The following RALGPS1 variants were observed in gnomAD, a reference collection of about 807,000 sequenced individuals.
RALGPS1 encodes the protein ras-specific guanine nucleotide-releasing factor RalGPS1.
Under a neutral mutation model 78.8 loss-of-function variants are expected in RALGPS1, and 19 were observed. The ratio of observed to expected loss-of-function variants is 0.24; its 90% confidence interval spans 0.17 to 0.35. RALGPS1 has a LOEUF of 0.35. Among genes scored for constraint, RALGPS1 ranks in the 10% least tolerant of loss-of-function variants. The pLI is 1.00. For synonymous variants in RALGPS1, 228 were observed against 256.3 expected (o/e 0.89, Z 1.06); for missense variants, 454 against 688.3 (o/e 0.66, Z 3.81).
intron 8 of RALGPS1, among the ~76,000 whole-genome samples, chr9:127,140,826 G>A (rs1395466522): frequency 2.0e-5 from 3 of 152,222 alleles, no homozygotes; most frequent in East Asian, 1.9e-4. Context: ...AGACTTGGGC[G>A]AGGGTGGAAC....
chr9:127,073,488 A>G (rs1024111334), intron 8 of RALGPS1, among the ~76,000 whole-genome samples: 7 of 54,084 alleles, frequency 1.3e-4, no homozygotes, highest in South Asian at 8.6e-4. Context: ...GTGTGTGTGT[A>G]TAATATTTTC....
At chr9:126,972,356 C>T (rs1356506311) in intron 3 of RALGPS1, among the ~76,000 whole-genome samples, 1 of 152,186 alleles carries the variant, frequency 6.6e-6, no homozygotes, top group Non-Finnish European at 1.5e-5. Flanking sequence ...CTACCTTTTA[C>T]TTTTGAACAA....
At chr9:127,018,256 A>G (rs1302098646) in intron 4 of RALGPS1, among the ~76,000 whole-genome samples, 1 of 151,838 alleles carries the variant, frequency 6.6e-6, no homozygotes, top group Non-Finnish European at 1.5e-5. Flanking sequence ...CCAACCAAAC[A>G]AAATAATGCC....
At chr9:127,146,946 A>G (rs1414255786) in intron 8 of RALGPS1, among the ~76,000 whole-genome samples, 1 of 152,254 alleles carries the variant, frequency 6.6e-6, no homozygotes, top group Non-Finnish European at 1.5e-5. Context: ...TTCTTTGAGA[A>G]ATCTCCAGAC....
chr9:127,193,267 A>G (rs535996858), intron 11 of RALGPS1, among the ~76,000 whole-genome samples: 1 of 152,342 alleles, frequency 6.6e-6, no homozygotes, highest in African/African-American at 2.4e-5. Context: ...CCCACCTGAC[A>G]TCCAGTGTTG....
At chr9:127,070,427 C>T (rs181782513) in intron 8 of RALGPS1, among the ~76,000 whole-genome samples, 1 of 152,260 alleles carries the variant, frequency 6.6e-6, no homozygotes, top group Admixed American at 6.5e-5. Context: ...TGATAAATTC[C>T]TAGAAGTGTG....
In RALGPS1 at chr9:127,000,534, C is replaced by CTTTTTTT. The variant is rs1163116649; in HGVS notation, c.216+22814_216+22820dup. The stretch of plus-strand genomic sequence containing the variant: ...TCCTGCTATTGATTTCTTGTCTTGT[C>CTTTTTTT]TTTTTTTTTTTTTTTTTTTTTTTTT... On this transcript the variant is annotated intron_variant, in intron 4 of 18. Coordinates refer to ENST00000259351, the MANE Select transcript of RALGPS1 (RefSeq NM_014636.3). Among the ~76,000 whole-genome samples the CTTTTTTT allele has an allele frequency of 9.6e-4, 32 of 33,336 alleles. 1 individual carries two copies. Among genetic ancestry groups the CTTTTTTT allele is most frequent in the East Asian group, 2.6e-3 (2 of 756 alleles). The allele number at this position is 33,336 out of a possible 152,430, so 21.9% of individuals were successfully genotyped here. A position where few individuals can be genotyped will look rare whatever the true frequency, so the allele number is the denominator to read the frequency against.
chr9:127,075,965 G>A (rs1183231229), intron 8 of RALGPS1, among the ~76,000 whole-genome samples: 1 of 152,222 alleles, frequency 6.6e-6, no homozygotes, highest in Admixed American at 6.5e-5. Context: ...TGTAGAGCCA[G>A]TTGGCTGTAC....
chr9:127,127,902 T>G (rs1260750813), intron 8 of RALGPS1, among the ~76,000 whole-genome samples: 1 of 152,168 alleles, frequency 6.6e-6, no homozygotes, highest in Non-Finnish European at 1.5e-5. Flanking sequence ...ATACTTTAAG[T>G]TCTGGGGTAT....
rs147837585 is a variant in RALGPS1, at chr9:126,962,345, A to G, written c.56A>G (p.Gln19Arg). 97 of 1,613,918 alleles carry G rather than the reference A, an allele frequency of 6.0e-5. No homozygotes were observed. The highest frequency in any genetic ancestry group is 7.4e-5 in the Non-Finnish European group (87 of 1,179,942). Residue 19 changes from glutamine (Q) to arginine (R), a missense_variant and splice_region_variant, in exon 2 of 19, where the codon CAG becomes CGG. Coordinates refer to ENST00000259351, the MANE Select transcript of RALGPS1 (RefSeq NM_014636.3). ...ASVLVTSATP[Q>R]GSSSSDSLEG... The stretch of plus-strand genomic sequence containing the variant: ...GTGTTGGTCACCTCTGCCACTCCAC[A>G]GGTACTGAGGCTGCAAGAATCGGGA...
chr9:127,026,588 G>A (rs1294202334), intron 4 of RALGPS1, among the ~76,000 whole-genome samples: 1 of 152,174 alleles, frequency 6.6e-6, no homozygotes, highest in Non-Finnish European at 1.5e-5. Context: ...TCTTAACAGT[G>A]TCTAAGTACG....
intron 14 of RALGPS1, among the ~76,000 whole-genome samples, chr9:127,207,099 C>T (rs2061975766): frequency 6.6e-6 from 1 of 152,138 alleles, no homozygotes; most frequent in African/African-American, 2.4e-5. Flanking sequence ...ATCACCACCA[C>T]CACCGTTACC....
intron 8 of RALGPS1, among the ~76,000 whole-genome samples, chr9:127,143,083 C>T (rs947747893): frequency 8.5e-5 from 13 of 152,240 alleles, no homozygotes; most frequent in Admixed American, 7.2e-4. Flanking sequence ...TTAGCTATTT[C>T]CCTATTGTTT....
chr9:127,173,611 C>T (rs1158240027), intron 10 of RALGPS1, among the ~76,000 whole-genome samples: 1 of 152,102 alleles, frequency 6.6e-6, no homozygotes, highest in Non-Finnish European at 1.5e-5. Context: ...AGTTCCTATT[C>T]GGTGCTTCAA....
At chr9:126,984,735 C>T (rs1439084155) in intron 4 of RALGPS1, among the ~76,000 whole-genome samples, 1 of 152,210 alleles carries the variant, frequency 6.6e-6, no homozygotes, top group East Asian at 1.9e-4. Flanking sequence ...TGATCCCACT[C>T]ATTTTTGATC....
chr9:126,968,125 C>T (rs1213929240), intron 3 of RALGPS1, among the ~76,000 whole-genome samples: 1 of 151,782 alleles, frequency 6.6e-6, no homozygotes, highest in African/African-American at 2.4e-5. Flanking sequence ...GTCTCAGCCT[C>T]CCGAGTAGCT....
At chr9:127,029,683 T>C (rs1317903814) in intron 4 of RALGPS1, among the ~76,000 whole-genome samples, 1 of 152,256 alleles carries the variant, frequency 6.6e-6, no homozygotes, top group African/African-American at 2.4e-5. Context: ...GGCCATGTGC[T>C]GACGCCAGCT....
chr9:127,108,165 C>T (rs1279907384), intron 8 of RALGPS1: 1 of 1,613,962 alleles, frequency 6.2e-7, no homozygotes, highest in African/African-American at 1.3e-5. Context: ...GGTTGTGGGC[C>T]AGTGTGGCCA....
intron 8 of RALGPS1, among the ~76,000 whole-genome samples, chr9:127,147,063 A>G (rs1351298020): frequency 6.6e-6 from 1 of 152,180 alleles, no homozygotes. Context: ...CTTTTTAATA[A>G]TAGCCATTCT....
Sources: gnomAD v4.1 joint callset for allele counts (sites outside exome capture counted in the v4.1 genomes callset) on GRCh38, gnomAD v4.1.1 for gene constraint, MANE v1.5 for transcripts, NCBI Gene and HGNC (gene_info 2026-07-23, HGNC 2026-07-21) for gene names.